Variants in RTN1 observed in about 807,000 individuals in gnomAD.
RTN1 encodes reticulon 1.
In RTN1, 25 loss-of-function variants were observed where a neutral mutation model predicts 65.5. That is an observed-to-expected ratio of 0.38 (90% CI 0.28 to 0.53). The LOEUF is 0.53. RTN1 is among the 20% of genes least tolerant of loss of function. RTN1 has a pLI of 0.79. For synonymous variants in RTN1, 471 were observed against 447.6 expected (o/e 1.05, Z -0.66); for missense variants, 983 against 1,025.4 (o/e 0.96, Z 0.57).
intron 1 of RTN1, among the ~76,000 whole-genome samples, chr14:59,864,704 A>G (rs984911397): frequency 1.3e-5 from 2 of 152,160 alleles, no homozygotes; most frequent in African/African-American, 4.8e-5. Context: ...ACTAATTACA[A>G]TGGTTACCTC....
At chr14:59,630,883 G>C (rs1374339435) in intron 3 of RTN1, 1 of 983,130 alleles carries the variant, frequency 1.0e-6, no homozygotes, top group African/African-American at 1.7e-5. Context: ...GCTGACGGTG[G>C]GGGTGAGAGG....
chr14:59,819,405 A>ACCCCCCCCCCCCCCCCCCCCC (rs1566737375), intron 1 of RTN1, among the ~76,000 whole-genome samples: 1 of 20,188 alleles, frequency 5.0e-5, no homozygotes, highest in African/African-American at 5.1e-4. Flanking sequence ...GTGCATCCAC[A>ACCCCCCCCCCCCCCCCCCCCC]CCACCACCAC....
chr14:59,799,846 A>G (rs1258069062), intron 1 of RTN1, among the ~76,000 whole-genome samples: 1 of 152,124 alleles, frequency 6.6e-6, no homozygotes, highest in East Asian at 1.9e-4. Context: ...ACTTTTCAAG[A>G]GCTTCCAGAG....
chr14:59,732,042 G>C (rs1178920369), intron 2 of RTN1, among the ~76,000 whole-genome samples: 1 of 152,204 alleles, frequency 6.6e-6, no homozygotes, highest in Non-Finnish European at 1.5e-5. Flanking sequence ...AAACTTAGAG[G>C]AGGTCATTGA....
intron 1 of RTN1, among the ~76,000 whole-genome samples, chr14:59,833,527 T>A (rs1029237727): frequency 6.6e-6 from 1 of 152,200 alleles, no homozygotes; most frequent in Admixed American, 6.5e-5. Context: ...AAAAAATTTT[T>A]TTTCTTTCCA....
intron 1 of RTN1, among the ~76,000 whole-genome samples, chr14:59,845,982 T>TGAACTCTAAA (rs2139657524): frequency 6.6e-6 from 1 of 152,272 alleles, no homozygotes; most frequent in South Asian, 2.1e-4. Context: ...AGCAGAAGCT[T>TGAACTCTAAA]GAACTCTAAA....
intron 8 of RTN1, among the ~76,000 whole-genome samples, chr14:59,600,634 A>G (rs1881549381): frequency 6.6e-6 from 1 of 152,152 alleles, no homozygotes; most frequent in African/African-American, 2.4e-5. Flanking sequence ...GTGCCAGGCA[A>G]AACAGGTTAT....
chr14:59,691,375 A>C (rs1883958412), intron 3 of RTN1, among the ~76,000 whole-genome samples: 1 of 152,172 alleles, frequency 6.6e-6, no homozygotes, highest in Non-Finnish European at 1.5e-5. Context: ...ACCTCCCAAG[A>C]CTGCATCAGG....
intron 1 of RTN1, among the ~76,000 whole-genome samples, chr14:59,842,000 C>A (rs1887322181): frequency 6.6e-6 from 1 of 152,024 alleles, no homozygotes; most frequent in Middle Eastern, 3.4e-3. Context: ...GTGGTGCGTG[C>A]CTGTAGTCCC....
Position 59,836,106 on chromosome 14 carries a change from G to C in RTN1, c.241+34284C>G, listed in dbSNP as rs539452173. 8.5e-5 allele frequency among the ~76,000 whole-genome samples: 13 copies of C among 152,162 alleles called. No individual in the cohort carries two copies. The highest frequency in any genetic ancestry group is 3.1e-4 in the African/African-American group (13 of 41,492). Reference sequence around the variant, plus strand: ...CTTCTTCCCTCTTAGAAGGACCCTCGTGATTGCACTGGGACCACCTGGATA... The same window carrying C: ...CTTCTTCCCTCTTAGAAGGACCCTCCTGATTGCACTGGGACCACCTGGATA... On this transcript the variant is annotated intron_variant, in intron 1 of 8. Coordinates refer to ENST00000267484, the MANE Select transcript of RTN1 (RefSeq NM_021136.3). This position sits in a 1 kb window ranked among gnomAD's most constrained non-coding sequence, Gnocchi z 4.9.
At chr14:59,686,370 A>G (rs1461854416) in intron 3 of RTN1, among the ~76,000 whole-genome samples, 2 of 152,260 alleles carry the variant, frequency 1.3e-5, no homozygotes, top group Admixed American at 6.5e-5. Context: ...AACAGTCAAC[A>G]GAATGAAGAG....
intron 3 of RTN1, among the ~76,000 whole-genome samples, chr14:59,673,321 G>C (rs1490516016): frequency 6.6e-6 from 1 of 152,114 alleles, no homozygotes; most frequent in Non-Finnish European, 1.5e-5. Flanking sequence ...GCGAGTGGGA[G>C]GGAGTGGTAC....
chr14:59,657,525 C>T (rs1016034665), intron 3 of RTN1, among the ~76,000 whole-genome samples: 10 of 152,196 alleles, frequency 6.6e-5, no homozygotes, highest in African/African-American at 2.4e-4. Context: ...GTGATTTCTG[C>T]ATTTCCAACT....
At position 59,790,261 on chromosome 14, in the gene RTN1, T is replaced by C. The variant is rs996128031; in HGVS notation, c.242-43780A>G. ...GTGGTAACAATCTACTCATTCATTA[T>C]GTATGTCACACACACACACAGACAC... On this transcript the variant is annotated intron_variant, in intron 1 of 8. Transcript: ENST00000267484. This position sits in a 1 kb window ranked among gnomAD's most constrained non-coding sequence, Gnocchi z 4.1. Among the ~76,000 whole-genome samples, 5 of 152,022 alleles carry C rather than the reference T, an allele frequency of 3.3e-5. No homozygotes were observed. Among genetic ancestry groups the C allele is most frequent in the Non-Finnish European group, 7.4e-5 (5 of 67,944 alleles).
intron 3 of RTN1, among the ~76,000 whole-genome samples, chr14:59,638,921 G>A (rs1359433604): frequency 6.6e-6 from 1 of 152,126 alleles, no homozygotes; most frequent in African/African-American, 2.4e-5. Context: ...TTGGATAACT[G>A]TTTGGCCTTG....
At position 59,660,806 on chromosome 14, in the gene RTN1, T is replaced by C. The variant is rs187682276; in HGVS notation, c.1766-53314A>G. 4.6e-5 allele frequency among the ~76,000 whole-genome samples: 7 copies of C among 152,100 alleles called. 1 individual carries two copies. The East Asian group carries it at 1.4e-3, about 29-fold the overall frequency. ...CAGGAAAGACCTAAAATTTACACCC[T>C]AACATCAAAATGAAAAGAAACAGAG... On this transcript the variant is annotated intron_variant, in intron 3 of 8. Transcript: ENST00000267484.
intron 1 of RTN1, among the ~76,000 whole-genome samples, chr14:59,756,611 A>G (rs1885641888): frequency 6.6e-6 from 1 of 152,188 alleles, no homozygotes; most frequent in African/African-American, 2.4e-5. Context: ...GCTATCCCCA[A>G]ACATCTTTCT....
chr14:59,847,075 A>C (rs757940432), intron 1 of RTN1, among the ~76,000 whole-genome samples: 20 of 152,310 alleles, frequency 1.3e-4, no homozygotes, highest in Non-Finnish European at 2.4e-4. Flanking sequence ...CTAATTTCTC[A>C]TGCTTTAAAA....
chr14:59,723,644 A>T (rs377104379), intron 3 of RTN1, among the ~76,000 whole-genome samples: 24 of 151,910 alleles, frequency 1.6e-4, no homozygotes, highest in South Asian at 6.2e-4. Flanking sequence ...AAAATAAATT[A>T]AAAAAAATAA....
Sources: allele counts gnomAD v4.1 joint callset (sites outside exome capture counted in the v4.1 genomes callset), GRCh38; gene constraint gnomAD v4.1.1; non-coding constraint Gnocchi (gnomAD v3.1); transcripts MANE v1.5; gene names NCBI Gene and HGNC (gene_info 2026-07-23, HGNC 2026-07-21).